Variants in CRLS1 observed in about 807,000 individuals in gnomAD.
The protein encoded by CRLS1 is cardiolipin synthase 1.
CRLS1 carries 24 observed loss-of-function variants against 37.0 expected under a neutral mutation model. That is an observed-to-expected ratio of 0.65 (90% CI 0.47 to 0.91). CRLS1 has a LOEUF of 0.91. Among genes scored for constraint, CRLS1 ranks in the 40% least tolerant of loss-of-function variants. The pLI is 0.00. For synonymous variants in CRLS1, 135 were observed against 159.7 expected (o/e 0.85, Z 1.17); for missense variants, 373 against 395.8 (o/e 0.94, Z 0.49).
At position 6,033,827 on chromosome 20, in the gene CRLS1, ACAC is replaced by A. The variant is rs373711320; in HGVS notation, c.730-631_730-629del. 5.5e-4 allele frequency among the ~76,000 whole-genome samples: 83 copies of A among 152,252 alleles called. 1 individual carries two copies. In the South Asian group the frequency reaches 0.016, roughly 30 times the overall value. The stretch of plus-strand genomic sequence containing the variant: ...CCCAAGTAGCTGAGAGTACAGGTGC[ACAC>A]CACCATGCTTGGCTGGTTTTTAACT... On this transcript the variant is annotated intron_variant, in intron 5 of 6. Coordinates refer to ENST00000378863, the MANE Select transcript of CRLS1 (RefSeq NM_019095.6).
intron 6 of CRLS1, 75 bp from the exon 7 acceptor site, chr20:6,036,999 G>T: frequency 1.0e-6 from 1 of 973,178 alleles, no homozygotes; most frequent in African/African-American, 1.6e-5. Flanking sequence ...TTCATTGCAT[G>T]TATTCATTAT....
chr20:6,013,141 A>C (rs1305190704), intron 2 of CRLS1, among the ~76,000 whole-genome samples: 1 of 152,036 alleles, frequency 6.6e-6, no homozygotes, highest in African/African-American at 2.4e-5. Context: ...ATCTATGTGT[A>C]TATAGATAGA....
intron 3 of CRLS1, chr20:6,016,197 G>GGAAGA (rs1352134867): frequency 2.0e-5 from 3 of 152,152 alleles, no homozygotes; most frequent in Non-Finnish European, 4.4e-5. Context: ...GGAAAAAAAA[G>GGAAGA]GAAGAAAGAA....
intron 3 of CRLS1, chr20:6,015,724 A>G (rs1346021769): frequency 2.3e-6 from 1 of 425,846 alleles, no homozygotes; most frequent in Non-Finnish European, 4.3e-6. Context: ...ATTGTTTAAA[A>G]TTAAAATTGA....
Position 6,034,665 on chromosome 20 carries a change from G to T in CRLS1, c.821+110G>T, listed in dbSNP as rs1215337906. On this transcript the variant is annotated intron_variant, in intron 6 of 6. Transcript: ENST00000378863. ...ATTTGTTGAGCACTGACTGGGTAAA[G>T]CTGTGGCTATATTTGGTGATTGATA... The T allele has an allele frequency of 5.3e-6, 4 of 757,466 alleles. No individual in the cohort carries two copies. The African/African-American group carries it at 7.0e-5, about 13-fold the overall frequency. The allele number at this position is 757,466 out of a possible 1,614,324, so 46.9% of individuals were successfully genotyped here. A position where few individuals can be genotyped will look rare whatever the true frequency, so the allele number is the denominator to read the frequency against.
At position 6,037,147 on chromosome 20, in the gene CRLS1, A is replaced by G; in HGVS notation, c.895A>G (p.Ile299Val). Residue 299 changes from isoleucine to valine, a missense_variant, in exon 7 of 7, where the codon ATA becomes GTA. Transcript: ENST00000378863. ...YHYGRKTVQV[I>V]KD Reference sequence around the variant, plus strand: ...TTATGGCCGGAAGACTGTTCAGGTGATAAAAGACTGATGAAAGTCATCCCT... The same window carrying G: ...TTATGGCCGGAAGACTGTTCAGGTGGTAAAAGACTGATGAAAGTCATCCCT... 2 of 1,612,350 alleles carry G rather than the reference A, an allele frequency of 1.2e-6. No homozygotes were observed. The highest frequency in any genetic ancestry group is 1.7e-6 in the Non-Finnish European group (2 of 1,178,674).
At chr20:6,036,804 C>T (rs1413205962) in intron 6 of CRLS1, among the ~76,000 whole-genome samples, 1 of 151,972 alleles carries the variant, frequency 6.6e-6, no homozygotes, top group Non-Finnish European at 1.5e-5. Context: ...TAGAGGATGC[C>T]CGAGTAAAAA....
rs1188644334 is a variant in CRLS1, at chr20:6,029,353, C to T, written c.575-1932C>T. Among the ~76,000 whole-genome samples, 5 of 142,286 alleles carry T rather than the reference C, an allele frequency of 3.5e-5. No homozygotes were observed. In the Admixed American group the frequency reaches 3.6e-4, roughly 10 times the overall value. 93.3% of individuals were successfully genotyped at this position (142,286 alleles called of 152,430 possible). A position where few individuals can be genotyped will look rare whatever the true frequency, so the allele number is the denominator to read the frequency against. On this transcript the variant is annotated intron_variant, in intron 3 of 6. Coordinates refer to ENST00000378863, the MANE Select transcript of CRLS1 (RefSeq NM_019095.6). ...ATAGATTTTAATTTGCATGGATTTG[C>T]TGCTCTTTTTTTTTTTTTTTTTTTT...
chr20:6,018,909 G>A (rs1978983008), intron 3 of CRLS1, among the ~76,000 whole-genome samples: 1 of 152,180 alleles, frequency 6.6e-6, no homozygotes, highest in Admixed American at 6.5e-5. Context: ...ACATTGCCAT[G>A]ATATATTATG....
intron 3 of CRLS1, among the ~76,000 whole-genome samples, chr20:6,023,692 T>C (rs1219809729): frequency 1.3e-5 from 2 of 151,944 alleles, no homozygotes; most frequent in Admixed American, 6.6e-5. Context: ...CCACCTTCCG[T>C]TGAATTTTTT....
intron 1 of CRLS1, among the ~76,000 whole-genome samples, chr20:6,009,427 TC>T (rs1470778576): frequency 6.6e-6 from 1 of 152,178 alleles, no homozygotes; most frequent in Non-Finnish European, 1.5e-5. Context: ...TCTTTTTTTT[TC>T]TTTTTTTAAT....
intron 3 of CRLS1, among the ~76,000 whole-genome samples, chr20:6,018,917 A>T (rs375564796): frequency 3.9e-5 from 6 of 152,370 alleles, no homozygotes; most frequent in African/African-American, 1.4e-4. Flanking sequence ...ATGATATATT[A>T]TGAAGAGATT....
At position 6,006,174 on chromosome 20, in the gene CRLS1, G is replaced by A; in HGVS notation, c.-73G>A. 1.1e-6 allele frequency: 1 copy of A among 895,290 alleles called. No individual in the cohort carries two copies. Among genetic ancestry groups the A allele is most frequent in the Non-Finnish European group, 1.5e-6 (1 of 686,894 alleles). The allele number at this position is 895,290 out of a possible 1,614,324, so 55.5% of individuals were successfully genotyped here. A position where few individuals can be genotyped will look rare whatever the true frequency, so the allele number is the denominator to read the frequency against. The stretch of plus-strand genomic sequence containing the variant: ...TCTGAGTGGTTGCCGGGTCTCCATG[G>A]AGAAGCGGCTCGCCAGTGTCCCAGG... On this transcript the variant is annotated 5_prime_UTR_variant, in exon 1 of 7. Coordinates refer to ENST00000378863, the MANE Select transcript of CRLS1 (RefSeq NM_019095.6).
chr20:6,012,656 G>C (rs946810708), intron 2 of CRLS1, among the ~76,000 whole-genome samples: 1 of 152,202 alleles, frequency 6.6e-6, no homozygotes, highest in Non-Finnish European at 1.5e-5. Flanking sequence ...TATCCACATA[G>C]AAGTATCAGT....
In CRLS1 at chr20:6,038,789, G is replaced by A. The variant is rs939403845; in HGVS notation, c.*1631G>A. ...TTGCACTTTGTTAACGCTTATTTAT[G>A]GTTTAGTGTTGATGCCATTTGGAGT... On this transcript the variant is annotated 3_prime_UTR_variant, in exon 7 of 7. Transcript: ENST00000378863. 1 of 152,184 alleles carries A rather than the reference G, an allele frequency of 6.6e-6. No individual in the cohort carries two copies. The highest frequency in any genetic ancestry group is 1.5e-5 in the Non-Finnish European group (1 of 68,026). The allele number at this position is 152,184 out of a possible 1,614,324, so 9.4% of individuals were successfully genotyped here.
At position 6,037,226 on chromosome 20, in the gene CRLS1, T is replaced by C; in HGVS notation, c.*68T>C. On this transcript the variant is annotated 3_prime_UTR_variant, in exon 7 of 7. Coordinates refer to ENST00000378863, the MANE Select transcript of CRLS1 (RefSeq NM_019095.6). The stretch of plus-strand genomic sequence containing the variant: ...AATGGGAACAGGGCCCATGGAAATG[T>C]ACAGGAGTTTCCCTATTTTGGTGTT... 1 of 1,106,758 alleles carries C rather than the reference T, an allele frequency of 9.0e-7. No homozygotes were observed. Among genetic ancestry groups the C allele is most frequent in the Middle Eastern group, 2.1e-4 (1 of 4,856 alleles). 68.6% of individuals were successfully genotyped at this position (1,106,758 alleles called of 1,614,324 possible).
chr20:6,008,687 C>G (rs958275677), intron 1 of CRLS1, among the ~76,000 whole-genome samples: 2 of 152,206 alleles, frequency 1.3e-5, no homozygotes, highest in African/African-American at 2.4e-5. Flanking sequence ...TCTAGCAGTT[C>G]TCTGACTTAG....
chr20:6,012,352 A>C (rs935277673), intron 2 of CRLS1, among the ~76,000 whole-genome samples: 8 of 152,282 alleles, frequency 5.3e-5, no homozygotes, highest in Non-Finnish European at 8.8e-5. Flanking sequence ...GAAGCAGAGT[A>C]ACTGGTTAGG....
In CRLS1 at chr20:6,006,326, A is replaced by G; in HGVS notation, c.80A>G (p.Lys27Arg). ...AAWAPGTRPS[K>R]RRACWALLPP... ...TGGGCTCCGGGAACGCGGCCGAGTA[A>G]GCGACGCGCCTGCTGGGCCCTGCTG... Residue 27 changes from lysine to arginine, a missense_variant, in exon 1 of 7, where the codon AAG (lysine) becomes AGG (arginine). Transcript: ENST00000378863. The G allele has an allele frequency of 7.4e-7, 1 of 1,346,376 alleles. No individual in the cohort carries two copies. Among genetic ancestry groups the G allele is most frequent in the South Asian group, 1.9e-5 (1 of 52,886 alleles). 83.4% of individuals were successfully genotyped at this position (1,346,376 alleles called of 1,614,324 possible).
Sources: allele counts gnomAD v4.1 joint callset (sites outside exome capture counted in the v4.1 genomes callset), GRCh38; gene constraint gnomAD v4.1.1; transcripts MANE v1.5; gene names NCBI Gene and HGNC (gene_info 2026-07-23, HGNC 2026-07-21).